Variants in ASIC2 observed in about 807,000 individuals in gnomAD.
ASIC2 encodes acid-sensing ion channel 2.
ASIC2 carries 25 observed loss-of-function variants against 57.3 expected under a neutral mutation model. That is an observed-to-expected ratio of 0.44 (90% confidence interval 0.32 to 0.61). The LOEUF (loss-of-function observed/expected upper bound fraction) is 0.61. Among genes scored for constraint, ASIC2 ranks in the 20% least tolerant of loss-of-function variants. The pLI is 0.06. For missense variants in ASIC2, 641 were observed against 738.1 expected (o/e 0.87, Z 1.52); for synonymous variants, 319 against 307.5 (o/e 1.04, Z -0.39).
At chr17:33,405,044 T>C (rs1910420420) in intron 1 of ASIC2, among the ~76,000 whole-genome samples, 1 of 151,980 alleles carries the variant, frequency 6.6e-6, no homozygotes, top group South Asian at 2.1e-4. Context: ...CACTCTGGGC[T>C]AATGTTAGAG....
chr17:33,153,008 C>G (rs1904862006), intron 1 of ASIC2, among the ~76,000 whole-genome samples: 1 of 152,286 alleles, frequency 6.6e-6, no homozygotes, highest in South Asian at 2.1e-4. Context: ...ATGGCTGCAG[C>G]TACTTCCTCC....
chr17:34,130,470 A>T (rs1233312624), intron 1 of ASIC2, among the ~76,000 whole-genome samples: 2 of 152,256 alleles, frequency 1.3e-5, no homozygotes, highest in Non-Finnish European at 2.9e-5. Context: ...TCCCAGTGCA[A>T]CACACATTTA....
At chr17:34,089,179 C>T (rs1431646517) in intron 1 of ASIC2, among the ~76,000 whole-genome samples, 1 of 152,146 alleles carries the variant, frequency 6.6e-6, no homozygotes, top group Non-Finnish European at 1.5e-5. Context: ...CGCCATCCTC[C>T]TCCTCCATTT....
At chr17:33,418,450 A>G (rs1567854750) in intron 1 of ASIC2, among the ~76,000 whole-genome samples, 2 of 152,082 alleles carry the variant, frequency 1.3e-5, no homozygotes, top group South Asian at 4.1e-4. Context: ...GCCCATGCCT[A>G]TGTGCTGAAT....
chr17:33,203,784 G>T (rs1309528765), intron 1 of ASIC2, among the ~76,000 whole-genome samples: 5 of 152,220 alleles, frequency 3.3e-5, no homozygotes, highest in Admixed American at 6.5e-5. Flanking sequence ...CTGGCTGCGG[G>T]TGGCTTGCCA....
intron 1 of ASIC2, among the ~76,000 whole-genome samples, chr17:33,238,757 C>T (rs982434707): frequency 2.6e-5 from 4 of 152,132 alleles, no homozygotes; most frequent in African/African-American, 4.8e-5. Flanking sequence ...TTTGCTCGGC[C>T]GGGAGCGGTA....
At chr17:34,149,396 G>A (rs373025756) in intron 1 of ASIC2, among the ~76,000 whole-genome samples, 3 of 152,156 alleles carry the variant, frequency 2.0e-5, no homozygotes, top group East Asian at 3.8e-4. Context: ...ATCAGAAAGT[G>A]TATTATTAAA....
intron 1 of ASIC2, among the ~76,000 whole-genome samples, chr17:33,659,782 G>A (rs1907191793): frequency 1.3e-5 from 2 of 151,958 alleles, no homozygotes; most frequent in Admixed American, 1.3e-4. Flanking sequence ...TGAGGCAGGA[G>A]AATGGCGTGA....
chr17:33,660,371 G>T (rs1035136672), intron 1 of ASIC2, among the ~76,000 whole-genome samples: 1 of 151,718 alleles, frequency 6.6e-6, no homozygotes, highest in African/African-American at 2.4e-5. Flanking sequence ...TCTTGTAGTA[G>T]CACTTAGCTT....
intron 3 of ASIC2, among the ~76,000 whole-genome samples, chr17:33,084,531 T>C (rs1454582777): frequency 6.6e-6 from 1 of 152,246 alleles, no homozygotes; most frequent in Non-Finnish European, 1.5e-5. Flanking sequence ...GCTGCTCCCC[T>C]AGCTACGCAA....
intron 1 of ASIC2, among the ~76,000 whole-genome samples, chr17:33,476,535 A>ATATATG (rs1491353193): frequency 7.4e-5 from 7 of 95,100 alleles, no homozygotes; most frequent in African/African-American, 3.2e-4. Context: ...ATATATATAT[A>ATATATG]TGTACAGGGG....
At chr17:34,087,257 T>C (rs2142084224) in intron 1 of ASIC2, among the ~76,000 whole-genome samples, 1 of 152,286 alleles carries the variant, frequency 6.6e-6, no homozygotes, top group Non-Finnish European at 1.5e-5. Context: ...TCTCTCAGCA[T>C]TTGCTTGTCT....
chr17:33,619,446 G>A (rs75830764), intron 1 of ASIC2, among the ~76,000 whole-genome samples: 10,108 of 152,182 alleles, frequency 0.066, 365 homozygotes, highest in Middle Eastern at 0.092. Context: ...CTGAGGTAGC[G>A]GCTGCTTTGA....
At chr17:33,586,534 G>T (rs1174527364) in intron 1 of ASIC2, among the ~76,000 whole-genome samples, 3 of 152,098 alleles carry the variant, frequency 2.0e-5, no homozygotes, top group Non-Finnish European at 2.9e-5. Flanking sequence ...TCAAGACCCT[G>T]CGTGATCTGG....
At chr17:33,080,727 T>A (rs1286675423) in intron 3 of ASIC2, among the ~76,000 whole-genome samples, 11 of 152,168 alleles carry the variant, frequency 7.2e-5, no homozygotes, top group Non-Finnish European at 1.2e-4. Flanking sequence ...ACACAAGCAC[T>A]GCCATACCTT....
intron 2 of ASIC2, among the ~76,000 whole-genome samples, chr17:33,090,630 C>T (rs1018839648): frequency 1.3e-5 from 2 of 152,002 alleles, no homozygotes; most frequent in South Asian, 4.2e-4. Flanking sequence ...TGTCAGCACT[C>T]AGGCTGTGGC....
chr17:34,098,191 C>T (rs796507280), intron 1 of ASIC2, among the ~76,000 whole-genome samples: 17 of 152,312 alleles, frequency 1.1e-4, no homozygotes, highest in African/African-American at 3.8e-4. Flanking sequence ...ATGAGGTGAG[C>T]AGCCTGTCAC....
chr17:33,293,968 G>T (rs1905615525), upstream of ASIC2, among the ~76,000 whole-genome samples: 1 of 152,010 alleles, frequency 6.6e-6, no homozygotes, highest in Non-Finnish European at 1.5e-5. Flanking sequence ...GTGTGTTGAG[G>T]CATTGCGAGC....
chr17:33,936,348 CT>C (rs1916059095), intron 1 of ASIC2: 2 of 152,324 alleles, frequency 1.3e-5, no homozygotes, highest in Middle Eastern at 3.4e-3. Flanking sequence ...TTTTAGCTTC[CT>C]TTTTTGGACT....
Sources: gnomAD v4.1 joint callset for allele counts (sites outside exome capture counted in the v4.1 genomes callset) on GRCh38, gnomAD v4.1.1 for gene constraint, MANE v1.5 for transcripts, NCBI Gene and HGNC (gene_info 2026-07-23, HGNC 2026-07-21) for gene names.